SFXN5: variants seen among roughly 807,000 people sequenced by gnomAD.
SFXN5 encodes the protein sideroflexin 5.
Under a neutral mutation model 50.2 loss-of-function variants are expected in SFXN5, and 43 were observed. That is an observed-to-expected ratio of 0.86 (90% CI 0.67 to 1.11). The LOEUF is 1.11. Ranked by LOEUF, SFXN5 falls within the 50% of genes least tolerant of loss-of-function variation. The pLI is 0.00. For synonymous variants in SFXN5, 203 were observed against 185.8 expected (o/e 1.09, Z -0.75); for missense variants, 463 against 454.1 (o/e 1.02, Z -0.18).
chr2:73,015,965 T>A (rs1428665157), intron 6 of SFXN5, among the ~76,000 whole-genome samples: 1 of 151,824 alleles, frequency 6.6e-6, no homozygotes, highest in Non-Finnish European at 1.5e-5. Flanking sequence ...AAAAAGACTC[T>A]ATATTTCGTC....
chr2:72,971,141 C>T (rs1675118181), intron 11 of SFXN5, among the ~76,000 whole-genome samples: 1 of 152,214 alleles, frequency 6.6e-6, no homozygotes, highest in African/African-American at 2.4e-5. Flanking sequence ...CTCTCACCTG[C>T]AGAAGTGCCT....
At position 72,968,465 on chromosome 2, in the gene SFXN5, G is replaced by A. The variant is rs775063863; in HGVS notation, c.810C>T (p.Val270=). The change falls in exon 12 of 14, where the codon GTC becomes GTT. Residue 270 remains valine, a synonymous_variant. Transcript: ENST00000272433. The part of the protein sequence containing the change: ...PMPILVLPPI[V]MSMLEKTALL... ...CAACTCACTTCTCCAGCATGGACATGACGATCGGGGGTAGCACCAGGATGG... is the reference window on the plus strand; with the variant it reads ...CAACTCACTTCTCCAGCATGGACATAACGATCGGGGGTAGCACCAGGATGG... The A allele has an allele frequency of 6.2e-7, 1 of 1,612,802 alleles. No individual in the cohort carries two copies. The highest frequency in any genetic ancestry group is 8.5e-7 in the Non-Finnish European group (1 of 1,179,880).
In SFXN5 at chr2:72,998,849, C is replaced by G. The variant is rs1034302559; in HGVS notation, c.534+100G>C. ...CCCACAGAAACCTGTCTCCCAAATCCTTGCCTGGCCTGGCCCTCAGACAAG... is the reference window on the plus strand; with the variant it reads ...CCCACAGAAACCTGTCTCCCAAATCGTTGCCTGGCCTGGCCCTCAGACAAG... On this transcript the variant is annotated intron_variant, in intron 9 of 13. Transcript: ENST00000272433. 13 of 1,345,920 alleles carry G rather than the reference C, an allele frequency of 9.7e-6. No homozygotes were observed. The East Asian group carries it at 3.2e-4, about 33-fold the overall frequency. The allele number at this position is 1,345,920 out of a possible 1,614,324, so 83.4% of individuals were successfully genotyped here. A position where few individuals can be genotyped will look rare whatever the true frequency, so the allele number is the denominator to read the frequency against.
intron 13 of SFXN5, among the ~76,000 whole-genome samples, chr2:72,952,819 A>AAGAGGACAGCACCC (rs1672680336): frequency 6.6e-6 from 1 of 152,134 alleles, no homozygotes; most frequent in South Asian, 2.1e-4. Context: ...ATGCTGTGTA[A>AAGAGGACAGCACCC]AGAGGACAGC....
rs1673790445 is a variant in SFXN5 at position 72,961,916 on chromosome 2, CCT to C, written c.828-670_828-669del. On this transcript the variant is annotated intron_variant, in intron 12 of 13. Coordinates refer to ENST00000272433, the MANE Select transcript of SFXN5 (RefSeq NM_144579.3). This position sits in a 1 kb window ranked among gnomAD's most constrained non-coding sequence, Gnocchi z 4.4. ...AGGGTGCTGTCACCCCAGCTGGTCC[CCT>C]GTGCCAGCTTCATCACCAACACAAC... is the stretch of plus-strand genomic sequence containing the variant. 6.6e-6 allele frequency among the ~76,000 whole-genome samples: 1 copy of C among 151,358 alleles called. No individual in the cohort carries two copies. Among genetic ancestry groups the C allele is most frequent in the Admixed American group, 6.6e-5 (1 of 15,196 alleles).
intron 3 of SFXN5, among the ~76,000 whole-genome samples, chr2:73,032,541 C>T (rs1201298537): frequency 4.6e-5 from 7 of 152,228 alleles, no homozygotes; most frequent in Non-Finnish European, 2.9e-5. Flanking sequence ...CTGAACCTAC[C>T]TGAAGTTCGG....
chr2:72,952,806 G>A (rs962371895), intron 13 of SFXN5, among the ~76,000 whole-genome samples: 2 of 152,136 alleles, frequency 1.3e-5, no homozygotes, highest in African/African-American at 2.4e-5. Flanking sequence ...GAAAACCTGC[G>A]TGATGCTGTG....
At chr2:72,984,955 G>A (rs1394189599) in intron 10 of SFXN5, among the ~76,000 whole-genome samples, 1 of 152,106 alleles carries the variant, frequency 6.6e-6, no homozygotes, top group Non-Finnish European at 1.5e-5. Context: ...TGACTCTTGG[G>A]GATTCCTTGT....
rs1448182800 is a variant in SFXN5, at chr2:72,961,239, G to C, written c.837C>G (p.Leu279=). 1 of 1,533,996 alleles carries C rather than the reference G, an allele frequency of 6.5e-7. No homozygotes were observed. The highest frequency in any genetic ancestry group is 8.7e-7 in the Non-Finnish European group (1 of 1,148,836). Residue 279 remains leucine (L), a synonymous_variant, in exon 13 of 14, where the codon CTC becomes CTG. Coordinates refer to ENST00000272433, the MANE Select transcript of SFXN5 (RefSeq NM_144579.3). The surrounding 1 kb of genome is among the most constrained non-coding windows in gnomAD (Gnocchi z 4.4). Reference sequence around the variant, plus strand: ...GGAGCAGCCGGGGGCGTGCCTGCAGGAGAGCCGTCCTGTGAGGGAGAGAGG... The same window carrying C: ...GGAGCAGCCGGGGGCGTGCCTGCAGCAGAGCCGTCCTGTGAGGGAGAGAGG... ...IVMSMLEKTA[L]LQARPRLLLP...
intron 6 of SFXN5, among the ~76,000 whole-genome samples, chr2:73,016,387 C>T (rs1390290030): frequency 1.3e-5 from 2 of 152,088 alleles, no homozygotes; most frequent in Non-Finnish European, 2.9e-5. Flanking sequence ...CTCTATAAAT[C>T]GATATACAGT....
At chr2:72,962,282 G>A (rs748484172) in intron 12 of SFXN5, among the ~76,000 whole-genome samples, 15 of 152,182 alleles carry the variant, frequency 9.9e-5, no homozygotes, top group South Asian at 2.1e-4. Flanking sequence ...CTTATCCGCC[G>A]CCCCCAGCAG....
intron 1 of SFXN5, among the ~76,000 whole-genome samples, chr2:73,061,144 C>T (rs191729381): frequency 6.6e-6 from 1 of 151,794 alleles, no homozygotes; most frequent in Non-Finnish European, 1.5e-5. Context: ...GGTGAAACCC[C>T]GTCCATACTA....
At chr2:72,974,784 C>A (rs911419404) in intron 10 of SFXN5, among the ~76,000 whole-genome samples, 2 of 152,014 alleles carry the variant, frequency 1.3e-5, no homozygotes, top group Admixed American at 1.3e-4. Flanking sequence ...TCCTTCCCAT[C>A]CCACTCCTGG....
At chr2:72,972,915 G>A (rs892501385) in intron 10 of SFXN5, among the ~76,000 whole-genome samples, 1 of 151,668 alleles carries the variant, frequency 6.6e-6, no homozygotes, top group Non-Finnish European at 1.5e-5. Flanking sequence ...TCCTTCCAGT[G>A]GGGGGGGCCA....
At chr2:72,967,470 G>GA (rs1234437293) in intron 12 of SFXN5, 2 of 152,036 alleles carry the variant, frequency 1.3e-5, no homozygotes, top group Non-Finnish European at 2.9e-5. Context: ...CTCTTTGAGG[G>GA]GGTGGCATTC....
intron 9 of SFXN5, among the ~76,000 whole-genome samples, chr2:72,995,608 G>A (rs899844872): frequency 1.3e-4 from 20 of 152,010 alleles, no homozygotes; most frequent in Admixed American, 6.6e-4. Flanking sequence ...CATCCATGCC[G>A]CCTGCTTGTA....
chr2:72,963,695 GC>G (rs1674029142), intron 12 of SFXN5, among the ~76,000 whole-genome samples: 1 of 152,204 alleles, frequency 6.6e-6, no homozygotes, highest in Non-Finnish European at 1.5e-5. Context: ...TGTGGCCTGG[GC>G]CCGGAGCCAA....
chr2:72,975,656 A>T (rs1250955558), intron 10 of SFXN5, among the ~76,000 whole-genome samples: 2 of 152,262 alleles, frequency 1.3e-5, no homozygotes, highest in Non-Finnish European at 2.9e-5. Flanking sequence ...GTGTGAATGC[A>T]GCCATGTGTA....
chr2:72,979,300 C>CA (rs1266928449), intron 10 of SFXN5, among the ~76,000 whole-genome samples: 1 of 152,102 alleles, frequency 6.6e-6, no homozygotes, highest in Non-Finnish European at 1.5e-5. Context: ...TTCTCTTTCT[C>CA]TATTTCTTCA....
Sources: gnomAD v4.1 joint callset for allele counts (sites outside exome capture counted in the v4.1 genomes callset) on GRCh38, gnomAD v4.1.1 for gene constraint, Gnocchi (gnomAD v3.1) non-coding constraint, MANE v1.5 for transcripts, NCBI Gene and HGNC (gene_info 2026-07-23, HGNC 2026-07-21) for gene names.